TRPC6: variants seen among roughly 807,000 people sequenced by gnomAD.
TRPC6 encodes the protein short transient receptor potential channel 6.
Under a neutral mutation model 90.7 loss-of-function variants are expected in TRPC6, and 55 were observed. The ratio of observed to expected loss-of-function variants is 0.61; its 90% CI spans 0.49 to 0.76. The LOEUF is 0.76. Among genes scored for constraint, TRPC6 ranks in the 30% least tolerant of loss-of-function variants. The pLI, the probability that TRPC6 is intolerant of heterozygous loss-of-function variation, is 0.00. For missense variants in TRPC6, 989 were observed against 1,122.7 expected (o/e 0.88, Z 1.70); for synonymous variants, 393 against 393.0 (o/e 1.00, Z 0.00).
chr11:101,573,408 T>C (rs990025971), intron 1 of TRPC6, among the ~76,000 whole-genome samples: 5 of 152,178 alleles, frequency 3.3e-5, no homozygotes, highest in African/African-American at 4.8e-5. Flanking sequence ...CTTTGGCAAA[T>C]TATTTTACCT....
chr11:101,538,028 TA>T (rs1565234404), intron 1 of TRPC6, among the ~76,000 whole-genome samples: 1 of 152,202 alleles, frequency 6.6e-6, no homozygotes, highest in Admixed American at 6.5e-5. Context: ...TTTTTTTCCA[TA>T]GATCTCAATT....
intron 10 of TRPC6, among the ~76,000 whole-genome samples, chr11:101,466,876 GGTCT>G (rs1361230510): frequency 6.6e-6 from 1 of 152,204 alleles, no homozygotes; most frequent in Non-Finnish European, 1.5e-5. Context: ...GGAATCTCCT[GGTCT>G]GTGAGTTGCA....
intron 1 of TRPC6, among the ~76,000 whole-genome samples, chr11:101,507,864 T>C (rs568863500): frequency 6.6e-6 from 1 of 152,252 alleles, no homozygotes; most frequent in South Asian, 2.1e-4. Flanking sequence ...ATTTATCTGA[T>C]CATTTTGTTT....
At chr11:101,554,580 T>C (rs1022410660) in intron 1 of TRPC6, among the ~76,000 whole-genome samples, 1 of 152,152 alleles carries the variant, frequency 6.6e-6, no homozygotes, top group African/African-American at 2.4e-5. Flanking sequence ...TATCCTTCAG[T>C]GCCCTGGCCA....
intron 1 of TRPC6, among the ~76,000 whole-genome samples, chr11:101,559,783 C>A (rs1311172516): frequency 1.6e-5 from 2 of 127,090 alleles, no homozygotes; most frequent in Non-Finnish European, 3.2e-5. Context: ...ATCCCTCCCC[C>A]CTCCCCCCAC....
rs1320410163 is a variant in TRPC6 at position 101,548,484 on chromosome 11, CTCTCTCTCTG to C, written c.170+34840_170+34849del. Among the ~76,000 whole-genome samples the C allele has an allele frequency of 3.6e-3, 177 of 49,174 alleles. No homozygotes were observed. In the East Asian group the frequency reaches 0.1, roughly 28 times the overall value. The allele number at this position is 49,174 out of a possible 152,430, so 32.3% of individuals were successfully genotyped here. On this transcript the variant is annotated intron_variant, in intron 1 of 12. Transcript: ENST00000344327. ...TATATATATATATATATATCTCTCT[CTCTCTCTCTG>C]TCTCTCACAGATGAGGAAAGTGAGG...
intron 1 of TRPC6, among the ~76,000 whole-genome samples, chr11:101,573,203 A>G (rs2136891397): frequency 6.6e-6 from 1 of 152,292 alleles, no homozygotes; most frequent in South Asian, 2.1e-4. Context: ...GCATTAATTT[A>G]TTCATTTCAC....
At chr11:101,476,638 C>G in intron 5 of TRPC6, 104 bp from the exon 6 acceptor site, 2 of 1,106,792 alleles carry the variant, frequency 1.8e-6, no homozygotes, top group Non-Finnish European at 2.7e-6. Context: ...TTACAAAACC[C>G]TTCAAAATTT....
chr11:101,483,557 G>A (rs1859602572), intron 4 of TRPC6, among the ~76,000 whole-genome samples: 1 of 152,136 alleles, frequency 6.6e-6, no homozygotes, highest in East Asian at 1.9e-4. Context: ...TACTTTGCCA[G>A]GTATAGAACC....
chr11:101,529,540 T>G (rs947892976), intron 1 of TRPC6, among the ~76,000 whole-genome samples: 1 of 152,252 alleles, frequency 6.6e-6, no homozygotes. Context: ...AGTAAACCAA[T>G]GCTAAAGCCT....
Position 101,558,395 on chromosome 11 carries a change from A to ATGTATATATG in TRPC6, c.170+24938_170+24939insCATATATACA, listed in dbSNP as rs1397473174. On this transcript the variant is annotated intron_variant, in intron 1 of 12. Coordinates refer to ENST00000344327, the MANE Select transcript of TRPC6 (RefSeq NM_004621.6). ...CATGTATATATGTATACATGTATAC[A>ATGTATATATG]TATACACACACACATATACACACAC... Among the ~76,000 whole-genome samples the ATGTATATATG allele has an allele frequency of 9.4e-5, 6 of 63,542 alleles. 2 individuals are homozygous for ATGTATATATG. Among genetic ancestry groups the ATGTATATATG allele is most frequent in the African/African-American group, 4.2e-4 (6 of 14,358 alleles). The allele number at this position is 63,542 out of a possible 152,430, so 41.7% of individuals were successfully genotyped here. A position where few individuals can be genotyped will look rare whatever the true frequency, so the allele number is the denominator to read the frequency against.
At chr11:101,527,505 C>T (rs1242914837) in intron 1 of TRPC6, among the ~76,000 whole-genome samples, 1 of 152,076 alleles carries the variant, frequency 6.6e-6, no homozygotes, top group African/African-American at 2.4e-5. Context: ...GTTCCAATAC[C>T]GTATCCTAGG....
chr11:101,456,264 T>C (rs950044629), intron 10 of TRPC6, among the ~76,000 whole-genome samples: 3 of 152,186 alleles, frequency 2.0e-5, no homozygotes, highest in Admixed American at 6.6e-5. Context: ...CAACTTTCTA[T>C]AACCTTGTCT....
At chr11:101,569,249 C>A (rs1359349605) in intron 1 of TRPC6, among the ~76,000 whole-genome samples, 7 of 150,298 alleles carry the variant, frequency 4.7e-5, no homozygotes, top group African/African-American at 1.5e-4. Flanking sequence ...TTTAAACCAA[C>A]AAAGATCAAA....
At chr11:101,573,974 A>C (rs1168932257) in intron 1 of TRPC6, among the ~76,000 whole-genome samples, 1 of 90,334 alleles carries the variant, frequency 1.1e-5, no homozygotes, top group Non-Finnish European at 2.8e-5. Flanking sequence ...GTGTGTGTTG[A>C]GAAGGGTGGA....
chr11:101,496,271 A>T (rs1198506969), intron 2 of TRPC6, among the ~76,000 whole-genome samples: 3 of 152,148 alleles, frequency 2.0e-5, no homozygotes, highest in Non-Finnish European at 2.9e-5. Flanking sequence ...AAACCATATC[A>T]GTAAGAAAAG....
chr11:101,541,843 G>C (rs1255251260), intron 1 of TRPC6, among the ~76,000 whole-genome samples: 1 of 152,118 alleles, frequency 6.6e-6, no homozygotes, highest in Non-Finnish European at 1.5e-5. Context: ...TTTAACATTG[G>C]TAACGACAAT....
intron 1 of TRPC6, among the ~76,000 whole-genome samples, chr11:101,549,018 T>G (rs5005503): frequency 8.7e-5 from 7 of 80,526 alleles, no homozygotes; most frequent in Admixed American, 1.4e-4. Context: ...TATCCTTCTG[T>G]TTTTTTTTGA....
chr11:101,544,967 A>T (rs1177998284), intron 1 of TRPC6, among the ~76,000 whole-genome samples: 2 of 152,182 alleles, frequency 1.3e-5, no homozygotes, highest in African/African-American at 4.8e-5. Flanking sequence ...GTAGTGCTAT[A>T]TGTAGAAACC....
Sources: gnomAD v4.1 joint callset for allele counts (sites outside exome capture counted in the v4.1 genomes callset) on GRCh38, gnomAD v4.1.1 for gene constraint, MANE v1.5 for transcripts, NCBI Gene and HGNC (gene_info 2026-07-23, HGNC 2026-07-21) for gene names.